ISL1: variants seen among roughly 807,000 people sequenced by gnomAD.
The protein encoded by ISL1 is insulin gene enhancer protein ISL-1.
A neutral mutation model predicts 35.3 loss-of-function variants in ISL1; 4 were observed. The ratio of observed to expected loss-of-function variants is 0.11; its 90% CI spans 0.06 to 0.26. The LOEUF (loss-of-function observed/expected upper bound fraction) is 0.26. Ranked by LOEUF, ISL1 falls within the 10% of genes least tolerant of loss-of-function variation. The pLI is 1.00. For missense variants in ISL1, 340 were observed against 472.8 expected (o/e 0.72, Z 2.60); for synonymous variants, 186 against 172.3 (o/e 1.08, Z -0.62).
chr5:51,391,113 A>T (rs1422578458), intron 4 of ISL1, among the ~76,000 whole-genome samples, 161 bp from the exon 5 acceptor site: 1 of 152,234 alleles, frequency 6.6e-6, no homozygotes, highest in Non-Finnish European at 1.5e-5. Flanking sequence ...AACAAATTGA[A>T]TTCTAACTAA....
chr5:51,389,701 G>A lies in ISL1; in HGVS notation c.534G>A (p.Pro178=), dbSNP rs1372679253. The change falls in exon 4 of 6, where the codon CCG becomes CCA. Residue 178 remains proline, a synonymous_variant. Transcript: ENST00000230658. The surrounding 1 kb of genome is among the most constrained non-coding windows in gnomAD (Gnocchi z 5.0). ...TGCGGCCCCACGTCCACAAGCAGCC[G>A]GAGAAGACCACCCGCGTGCGGACTG... is the stretch of plus-strand genomic sequence containing the variant. The part of the protein sequence containing the change: ...PALRPHVHKQ[P]EKTTRVRTVL... 11 of 1,613,454 alleles carry A rather than the reference G, an allele frequency of 6.8e-6. No individual in the cohort carries two copies. Among genetic ancestry groups the A allele is most frequent in the East Asian group, 2.2e-5 (1 of 44,848 alleles).
rs1374739002 is a variant in ISL1 at position 51,394,221 on chromosome 5, T to C, written c.*611T>C. Reference sequence around the variant, plus strand: ...TTTTTACTTTGCCCCCTCCCCACTTTTTTTGAGATCCATCCTTTATCAAGA... The same window carrying C: ...TTTTTACTTTGCCCCCTCCCCACTTCTTTTGAGATCCATCCTTTATCAAGA... On this transcript the variant is annotated 3_prime_UTR_variant, in exon 6 of 6. Coordinates refer to ENST00000230658, the MANE Select transcript of ISL1 (RefSeq NM_002202.3). 1.3e-5 allele frequency: 2 copies of C among 153,122 alleles called. No homozygotes were observed. Among genetic ancestry groups the C allele is most frequent in the African/African-American group, 4.8e-5 (2 of 41,458 alleles). The allele number at this position is 153,122 out of a possible 1,614,324, so 9.5% of individuals were successfully genotyped here.
chr5:51,386,319 A>T (rs1055526347), intron 2 of ISL1: 2 of 254,272 alleles, frequency 7.9e-6, no homozygotes, highest in Non-Finnish European at 1.6e-5. Context: ...AATTCTGGAT[A>T]CACACATGTG....
At chr5:51,392,421 T>G (rs539750219) in intron 5 of ISL1, among the ~76,000 whole-genome samples, 2 of 152,196 alleles carry the variant, frequency 1.3e-5, no homozygotes, top group Non-Finnish European at 2.9e-5. Flanking sequence ...TGAGGTTAGC[T>G]TTTTACCCTC....
chr5:51,393,674 T>C lies in ISL1; in HGVS notation c.*64T>C. ...AGTGGGAAATTATAATGTCGAACTC[T>C]GAAACAAAAGTATTTAACGACCCAG... is the stretch of plus-strand genomic sequence containing the variant. On this transcript the variant is annotated 3_prime_UTR_variant, in exon 6 of 6. Transcript: ENST00000230658. 1 of 1,028,390 alleles carries C rather than the reference T, an allele frequency of 9.7e-7. No homozygotes were observed. The highest frequency in any genetic ancestry group is 2.4e-5 in the East Asian group (1 of 42,190). The allele number at this position is 1,028,390 out of a possible 1,614,324, so 63.7% of individuals were successfully genotyped here.
chr5:51,387,836 G>T lies in ISL1; in HGVS notation c.478+87G>T. 2 of 1,539,004 alleles carry T rather than the reference G, an allele frequency of 1.3e-6. No homozygotes were observed. Among genetic ancestry groups the T allele is most frequent in the Non-Finnish European group, 1.8e-6 (2 of 1,130,394 alleles). ...CCACAACAACTATGGTAGCTACAGG[G>T]GTGGTCGTAGTGTTTGCCTGCAGTT... On this transcript the variant is annotated intron_variant, in intron 3 of 5. Coordinates refer to ENST00000230658, the MANE Select transcript of ISL1 (RefSeq NM_002202.3). The surrounding 1 kb of genome is among the most constrained non-coding windows in gnomAD (Gnocchi z 4.3).
rs184961217 is a variant in ISL1 at position 51,388,242 on chromosome 5, A to T, written c.478+493A>T. Reference sequence around the variant, plus strand: ...TCCTTGTGAGTTGCTTCACACTCGAAATTTTTTTTTTAATTTTTTTATCTT... The same window carrying T: ...TCCTTGTGAGTTGCTTCACACTCGATATTTTTTTTTTAATTTTTTTATCTT... On this transcript the variant is annotated intron_variant, in intron 3 of 5. Transcript: ENST00000230658. 3.6e-3 allele frequency among the ~76,000 whole-genome samples: 548 copies of T among 152,166 alleles called. 7 individuals are homozygous for T. The highest frequency in any genetic ancestry group is 0.029 in the South Asian group (139 of 4,824).
chr5:51,387,394 A>T lies in ISL1; in HGVS notation c.219-96A>T. On this transcript the variant is annotated intron_variant, in intron 2 of 5. Coordinates refer to ENST00000230658, the MANE Select transcript of ISL1 (RefSeq NM_002202.3). The surrounding 1 kb of genome is among the most constrained non-coding windows in gnomAD (Gnocchi z 4.3). ...GTTTACTTGGGGCGTCTTGCCCGGG[A>T]TCTTGGGCCAGGGAAGTGCCGGCCT... 1.4e-6 allele frequency: 2 copies of T among 1,383,210 alleles called. No individual in the cohort carries two copies. The highest frequency in any genetic ancestry group is 2.0e-6 in the Non-Finnish European group (2 of 989,628). 85.7% of individuals were successfully genotyped at this position (1,383,210 alleles called of 1,614,324 possible).
At chr5:51,386,417 C>T in intron 2 of ISL1, 1 of 346,264 alleles carries the variant, frequency 2.9e-6, no homozygotes, top group Non-Finnish European at 5.6e-6. Context: ...TGTGTGTAAT[C>T]TTGTAGTTGT....
chr5:51,392,263 C>A (rs994617802), intron 5 of ISL1, among the ~76,000 whole-genome samples: 4 of 152,118 alleles, frequency 2.6e-5, no homozygotes, highest in African/African-American at 9.7e-5. Context: ...TAAATAAGAA[C>A]AATAAATATA....
At chr5:51,384,482 T>G in intron 1 of ISL1, 59 bp from the exon 2 acceptor site, 4 of 1,472,672 alleles carry the variant, frequency 2.7e-6, no homozygotes, top group Non-Finnish European at 3.8e-6. Context: ...ACACTAAAAG[T>G]GTGTTTATCT....
chr5:51,386,376 CTG>C (rs3138746), intron 2 of ISL1: 36,669 of 260,494 alleles, frequency 0.14, 1,132 homozygotes, highest in Non-Finnish European at 0.15. Flanking sequence ...TCTCTCAACT[CTG>C]TGTGTGTGTG....
intron 4 of ISL1, 100 bp downstream of exon 4, chr5:51,390,032 C>A (rs1011202020): frequency 1.4e-6 from 2 of 1,380,748 alleles, no homozygotes; most frequent in Non-Finnish European, 2.0e-6. Context: ...TTCAATCCTG[C>A]TCCTGGGCAG....
At chr5:51,390,636 C>CCTTTTTTTTTTTTTTTTTTTTTTTT (rs1747475980) in intron 4 of ISL1, among the ~76,000 whole-genome samples, 14 of 74,328 alleles carry the variant, frequency 1.9e-4, no homozygotes, top group African/African-American at 5.1e-4. Flanking sequence ...TCTTTTCTTT[C>CCTTTTTTTTTTTTTTTTTTTTTTTT]TTTTTCTTTT....
chr5:51,385,582 T>TG (rs1412523704), intron 2 of ISL1, among the ~76,000 whole-genome samples: 2 of 112 alleles, frequency 0.018, no homozygotes, highest in East Asian at 0.5. Context: ...AGAGTTTTTG[T>TG]TTTTTTTTTC....
chr5:51,393,430 G>T, intron 5 of ISL1, 64 bp from the exon 6 acceptor site: 1 of 915,704 alleles, frequency 1.1e-6, no homozygotes, highest in Non-Finnish European at 1.8e-6. Context: ...AATATGATGA[G>T]TTTATAATCT....
Position 51,393,369 on chromosome 5 carries a change from T to C in ISL1, c.934-125T>C, listed in dbSNP as rs1182252424. The C allele has an allele frequency of 1.7e-5, 12 of 714,624 alleles. No individual in the cohort carries two copies. The East Asian group carries it at 2.4e-4, about 14-fold the overall frequency. 44.3% of individuals were successfully genotyped at this position (714,624 alleles called of 1,614,324 possible). A position where few individuals can be genotyped will look rare whatever the true frequency, so the allele number is the denominator to read the frequency against. On this transcript the variant is annotated intron_variant, in intron 5 of 5. Transcript: ENST00000230658. ...CTCTAAGCCTGTTAAAATTCAGTTA[T>C]CTATGTGAATATCTTTACATATCTA...
intron 1 of ISL1, among the ~76,000 whole-genome samples, chr5:51,384,046 A>G (rs1267229651): frequency 2.0e-5 from 3 of 152,168 alleles, no homozygotes; most frequent in Non-Finnish European, 4.4e-5. Context: ...GTGAATTAGC[A>G]TTAGACTTGC....
In ISL1 at chr5:51,391,328, G is replaced by A. The variant is rs777784838; in HGVS notation, c.820G>A (p.Asp274Asn). 25 of 1,613,692 alleles carry A rather than the reference G, an allele frequency of 1.5e-5. No individual in the cohort carries two copies. Among genetic ancestry groups the A allele is most frequent in the African/African-American group, 5.3e-5 (4 of 74,912 alleles). The change falls in exon 5 of 6, where the codon GAC becomes AAC. Residue 274 changes from aspartate to asparagine, a missense_variant. Asp to Asn is a conservative substitution (Grantham distance 23, BLOSUM62 1). Transcript: ENST00000230658. ...GGTGGCTGCCAGTCCAGAGAGACAC[G>A]ACGGTGGCTTACAGGCTAACCCAGT... is the stretch of plus-strand genomic sequence containing the variant. ...PMVAASPERH[D>N]GGLQANPVEV...
Sources: gnomAD v4.1 joint callset for allele counts (sites outside exome capture counted in the v4.1 genomes callset) on GRCh38, gnomAD v4.1.1 for gene constraint, Gnocchi (gnomAD v3.1) non-coding constraint, MANE v1.5 for transcripts, NCBI Gene and HGNC (gene_info 2026-07-23, HGNC 2026-07-21) for gene names.